TRIM67: variants seen among roughly 807,000 people sequenced by gnomAD.
TRIM67 encodes tripartite motif-containing protein 67.
Under a neutral mutation model 71.0 loss-of-function variants are expected in TRIM67, and 39 were observed. The observed-to-expected ratio is 0.55, with a 90% CI of 0.43 to 0.72. The LOEUF (loss-of-function observed/expected upper bound fraction) is 0.72, where lower values mean the gene tolerates loss of function less well. Among genes scored for constraint, TRIM67 ranks in the 30% least tolerant of loss-of-function variants. The pLI is 0.00. For missense variants in TRIM67, 973 were observed against 1,079.2 expected, an observed-to-expected ratio of 0.90 and a Z score of 1.38; for synonymous variants, 481 against 473.9, an observed-to-expected ratio of 1.01 and a Z score of -0.19.
chr1:231,217,806 G>A lies in TRIM67; in HGVS notation c.*2366G>A. ...CTACCCTGAACCTAACCCCTTTGAG[G>A]GAGCAGCATCCAGGTCAGGAGAGAA... On this transcript the variant is annotated 3_prime_UTR_variant, in exon 10 of 10. Coordinates refer to ENST00000366653, the MANE Select transcript of TRIM67 (RefSeq NM_001004342.5). 7.8e-7 allele frequency: 1 copy of A among 1,289,316 alleles called. No individual in the cohort carries two copies. The highest frequency in any genetic ancestry group is 1.2e-5 in the South Asian group (1 of 80,988). 79.9% of individuals were successfully genotyped at this position (1,289,316 alleles called of 1,614,324 possible). A position where few individuals can be genotyped will look rare whatever the true frequency, so the allele number is the denominator to read the frequency against.
intron 1 of TRIM67, among the ~76,000 whole-genome samples, chr1:231,191,654 T>C (rs1002996513): frequency 6.6e-6 from 1 of 152,006 alleles, no homozygotes; most frequent in South Asian, 2.1e-4. Context: ...AACCTAGAAA[T>C]AGTTAACACC....
At chr1:231,193,503 G>GTCTCTCT (rs1683287483) in intron 1 of TRIM67, among the ~76,000 whole-genome samples, 1 of 81,946 alleles carries the variant, frequency 1.2e-5, no homozygotes, top group Non-Finnish European at 2.3e-5. Context: ...TCTCTCTCAA[G>GTCTCTCT]CTCTCTCTCT....
Position 231,163,254 on chromosome 1 carries a change from C to T in TRIM67, c.285C>T (p.Gly95=), listed in dbSNP as rs577757447. 1 of 1,510,430 alleles carries T rather than the reference C, an allele frequency of 6.6e-7. No individual in the cohort carries two copies. Among genetic ancestry groups the T allele is most frequent in the Non-Finnish European group, 8.9e-7 (1 of 1,129,406 alleles). The allele number at this position is 1,510,430 out of a possible 1,614,324, so 93.6% of individuals were successfully genotyped here. A position where few individuals can be genotyped will look rare whatever the true frequency, so the allele number is the denominator to read the frequency against. Residue 95 remains glycine, a synonymous_variant, in exon 1 of 10, where the codon GGC becomes GGT. Transcript: ENST00000366653. ...AGGLGGGAGG[G]GDHADKLSLY... is the part of the protein sequence containing the mutation. ...GCCTCGGCGGCGGTGCGGGAGGTGG[C>T]GGAGACCACGCGGACAAGCTCAGCT...
At chr1:231,174,944 C>G (rs772840337) in intron 1 of TRIM67, among the ~76,000 whole-genome samples, 1 of 152,298 alleles carries the variant, frequency 6.6e-6, no homozygotes, top group Non-Finnish European at 1.5e-5. Context: ...TTAAGATAGT[C>G]CCCTAGTTGT....
Position 231,163,385 on chromosome 1 carries a change from C to A in TRIM67, c.416C>A (p.Ala139Asp). 1 of 1,535,958 alleles carries A rather than the reference C, an allele frequency of 6.5e-7. No homozygotes were observed. Among genetic ancestry groups the A allele is most frequent in the Non-Finnish European group, 8.8e-7 (1 of 1,142,672 alleles). The part of the protein sequence containing the change: ...PMVPAPPGSS[A>D]AAARGAACSS... ...GTGCCCGCACCACCCGGCTCCTCGGCTGCGGCGGCTCGGGGTGCCGCCTGC... is the reference window on the plus strand; with the variant it reads ...GTGCCCGCACCACCCGGCTCCTCGGATGCGGCGGCTCGGGGTGCCGCCTGC... The change falls in exon 1 of 10, where the codon GCT (alanine) becomes GAT (aspartate). Residue 139 changes from alanine (A) to aspartate (D), a missense_variant. Physicochemically the swap from Ala to Asp is moderately radical, Grantham distance 126. This residue lies in a region of TRIM67 where 795 missense variants were observed against 831.3 expected (regional missense o/e 0.96). Transcript: ENST00000366653.
intron 5 of TRIM67, among the ~76,000 whole-genome samples, chr1:231,202,373 G>A (rs1175296346): frequency 3.3e-5 from 5 of 152,050 alleles, no homozygotes; most frequent in Admixed American, 6.6e-5. Flanking sequence ...GGCAGCAGAG[G>A]GATAGCAAGT....
At chr1:231,171,184 C>T (rs1289649215) in intron 1 of TRIM67, among the ~76,000 whole-genome samples, 3 of 152,130 alleles carry the variant, frequency 2.0e-5, no homozygotes, top group South Asian at 2.1e-4. Context: ...ATTTAGTTAC[C>T]CTGGGCACCA....
At chr1:231,204,237 A>G (rs1401053962) in intron 6 of TRIM67, among the ~76,000 whole-genome samples, 1 of 152,088 alleles carries the variant, frequency 6.6e-6, no homozygotes, top group Non-Finnish European at 1.5e-5. Context: ...GAACTCAGAG[A>G]AGGTGTTTCC....
In TRIM67 at chr1:231,218,813, G is replaced by A. The variant is rs1684075802; in HGVS notation, c.*3373G>A. Reference sequence around the variant, plus strand: ...TCCGGATTGAGCCTGGGCAGGCTCTGTGGAGCTCACCAAGAGAGCTGGGGG... The same window carrying A: ...TCCGGATTGAGCCTGGGCAGGCTCTATGGAGCTCACCAAGAGAGCTGGGGG... On this transcript the variant is annotated 3_prime_UTR_variant, in exon 10 of 10. Transcript: ENST00000366653. 1.0e-6 allele frequency: 1 copy of A among 985,332 alleles called. No individual in the cohort carries two copies. Among genetic ancestry groups the A allele is most frequent in the Non-Finnish European group, 1.2e-6 (1 of 829,956 alleles). The allele number at this position is 985,332 out of a possible 1,614,324, so 61.0% of individuals were successfully genotyped here.
At chr1:231,197,845 A>AG (rs1342616979) in intron 2 of TRIM67, among the ~76,000 whole-genome samples, 5 of 151,052 alleles carry the variant, frequency 3.3e-5, no homozygotes, top group African/African-American at 9.8e-5. Context: ...AAGAAGAAGA[A>AG]GAAGAAGGAG....
Position 231,209,391 on chromosome 1 carries a change from C to A in TRIM67, c.2123+141C>A. 2.1e-6 allele frequency: 2 copies of A among 950,292 alleles called. No individual in the cohort carries two copies. The highest frequency in any genetic ancestry group is 3.0e-6 in the Non-Finnish European group (2 of 661,300). The allele number at this position is 950,292 out of a possible 1,614,324, so 58.9% of individuals were successfully genotyped here. On this transcript the variant is annotated intron_variant, in intron 8 of 9. Coordinates refer to ENST00000366653, the MANE Select transcript of TRIM67 (RefSeq NM_001004342.5). This position sits in a 1 kb window ranked among gnomAD's most constrained non-coding sequence, Gnocchi z 4.1. ...TTTCAGCCACTTTGGTCTCCATTTT[C>A]TAGGAGGCCTTCACTCTGCCCATAT...
In TRIM67 at chr1:231,186,970, C is replaced by T. The variant is rs535477814; in HGVS notation, c.1045-10401C>T. ...GGGACTGCTTTACCCGCACATCCCA[C>T]GACATCCACGGCTGCCTCATCAGCA... On this transcript the variant is annotated intron_variant, in intron 1 of 9. Transcript: ENST00000366653. 3.9e-5 allele frequency among the ~76,000 whole-genome samples: 6 copies of T among 152,280 alleles called. No individual in the cohort carries two copies. In the East Asian group the frequency reaches 1.2e-3, roughly 29 times the overall value.
chr1:231,219,787 C>A lies in TRIM67; in HGVS notation c.*4347C>A. The A allele has an allele frequency of 8.1e-7, 1 of 1,239,730 alleles. No individual in the cohort carries two copies. Among genetic ancestry groups the A allele is most frequent in the Non-Finnish European group, 1.0e-6 (1 of 963,738 alleles). The allele number at this position is 1,239,730 out of a possible 1,614,324, so 76.8% of individuals were successfully genotyped here. A position where few individuals can be genotyped will look rare whatever the true frequency, so the allele number is the denominator to read the frequency against. On this transcript the variant is annotated 3_prime_UTR_variant, in exon 10 of 10. Coordinates refer to ENST00000366653, the MANE Select transcript of TRIM67 (RefSeq NM_001004342.5). ...CAGGACTTTTCTTTTGCAAGTGAGC[C>A]GGTAGCTGTGTTTGTTGACCACATT...
In TRIM67 at chr1:231,197,420, C is replaced by T; in HGVS notation, c.1094C>T (p.Ala365Val). 2 of 1,613,984 alleles carry T rather than the reference C, an allele frequency of 1.2e-6. No homozygotes were observed. The highest frequency in any genetic ancestry group is 1.7e-6 in the Non-Finnish European group (2 of 1,179,870). ...GGAGTTTCAGATAAGGCAAAGGAAG[C>T]AAAGGAGTTTCTGGTTCAGCTAAAG... ...LNGVSDKAKE[A>V]KEFLVQLKNI... Residue 365 changes from alanine to valine, a missense_variant, in exon 2 of 10, where the codon GCA becomes GTA. This residue lies in a region of TRIM67 where 795 missense variants were observed against 831.3 expected (regional missense o/e 0.96). Coordinates refer to ENST00000366653, the MANE Select transcript of TRIM67 (RefSeq NM_001004342.5).
chr1:231,164,054 G>C (rs1336235230), intron 1 of TRIM67, 41 bp downstream of exon 1: 4 of 1,444,468 alleles, frequency 2.8e-6, no homozygotes, highest in South Asian at 1.5e-5. Flanking sequence ...CCAGGGAAGA[G>C]GGTACGAGGA....
intron 1 of TRIM67, chr1:231,184,160 G>A (rs982550790): frequency 1.3e-5 from 2 of 149,480 alleles, no homozygotes; most frequent in African/African-American, 5.1e-5. Flanking sequence ...TCAGCCTTCA[G>A]TATAAAACAA....
chr1:231,185,712 A>G (rs776256344), intron 1 of TRIM67, among the ~76,000 whole-genome samples: 10 of 151,902 alleles, frequency 6.6e-5, no homozygotes, highest in Non-Finnish European at 1.0e-4. Flanking sequence ...AGATGATTGA[A>G]CGGCTCACTC....
At chr1:231,212,849 A>G (rs1469715454) in intron 8 of TRIM67, among the ~76,000 whole-genome samples, 1 of 152,150 alleles carries the variant, frequency 6.6e-6, no homozygotes, top group Non-Finnish European at 1.5e-5. Context: ...CACCGAGTGG[A>G]TGTGAATTCT....
At chr1:231,181,510 A>G in intron 1 of TRIM67, among the ~76,000 whole-genome samples, 1 of 152,234 alleles carries the variant, frequency 6.6e-6, no homozygotes, top group East Asian at 1.9e-4. Context: ...GCTGTCTGAT[A>G]CAACCATTCT....
Sources: gnomAD v4.1 joint callset for allele counts (sites outside exome capture counted in the v4.1 genomes callset) on GRCh38, gnomAD v4.1.1 for gene constraint, gnomAD v4.1.1 regional missense constraint, Gnocchi (gnomAD v3.1) non-coding constraint, MANE v1.5 for transcripts, NCBI Gene and HGNC (gene_info 2026-07-23, HGNC 2026-07-21) for gene names.